CACNA2D1: variants seen among roughly 807,000 people sequenced by gnomAD.
CACNA2D1 encodes the protein calcium voltage-gated channel auxiliary subunit alpha2delta 1.
A neutral mutation model predicts 171.5 loss-of-function variants in CACNA2D1; 53 were observed. That is an observed-to-expected ratio of 0.31 (90% CI 0.25 to 0.39). The LOEUF (loss-of-function observed/expected upper bound fraction) is 0.39, where lower values mean the gene tolerates loss of function less well. CACNA2D1 is among the 10% of genes least tolerant of loss of function. The pLI is 1.00. For missense variants in CACNA2D1, 903 were observed against 1,299.8 expected (o/e 0.69, Z 4.69); for synonymous variants, 442 against 443.1 (o/e 1.00, Z 0.03).
At chr7:82,320,264 T>C (rs1355087906) in intron 3 of CACNA2D1, among the ~76,000 whole-genome samples, 1 of 152,174 alleles carries the variant, frequency 6.6e-6, no homozygotes, top group Admixed American at 6.5e-5. Context: ...TTTAACTTAT[T>C]ATACTGAGTC....
intron 3 of CACNA2D1, among the ~76,000 whole-genome samples, chr7:82,300,438 C>A (rs1386201902): frequency 2.6e-5 from 4 of 152,028 alleles, no homozygotes; most frequent in African/African-American, 9.7e-5. Flanking sequence ...ATGTAATATA[C>A]AAACCATGTT....
At chr7:82,283,748 T>C (rs976604259) in intron 3 of CACNA2D1, among the ~76,000 whole-genome samples, 7 of 152,158 alleles carry the variant, frequency 4.6e-5, no homozygotes, top group African/African-American at 1.4e-4. Flanking sequence ...TTAATGCATG[T>C]AACTAGTACA....
intron 3 of CACNA2D1, among the ~76,000 whole-genome samples, chr7:82,184,197 T>C (rs1797439197): frequency 7.0e-6 from 1 of 142,306 alleles, no homozygotes; most frequent in Non-Finnish European, 1.5e-5. Context: ...TGTTAATACA[T>C]GGAGGGGGAT....
chr7:82,376,481 T>C (rs1281201658), intron 1 of CACNA2D1, among the ~76,000 whole-genome samples: 1 of 152,210 alleles, frequency 6.6e-6, no homozygotes, highest in Non-Finnish European at 1.5e-5. Context: ...TGTGTATTTT[T>C]CTCACAGTAA....
chr7:82,188,624 CTTA>C (rs1178083621), intron 3 of CACNA2D1, among the ~76,000 whole-genome samples: 1 of 151,950 alleles, frequency 6.6e-6, no homozygotes, highest in Non-Finnish European at 1.5e-5. Context: ...TCACAAAAAA[CTTA>C]GAACAAAGAA....
chr7:82,266,787 G>T (rs1405763249), intron 3 of CACNA2D1, among the ~76,000 whole-genome samples: 1 of 152,136 alleles, frequency 6.6e-6, no homozygotes, highest in African/African-American at 2.4e-5. Flanking sequence ...AAAGTGCTGG[G>T]ATTACAGGGG....
intron 34 of CACNA2D1, among the ~76,000 whole-genome samples, 194 bp from the exon 35 acceptor site, chr7:81,962,689 G>A (rs935518739): frequency 4.0e-5 from 6 of 151,886 alleles, no homozygotes; most frequent in Admixed American, 6.6e-5. Context: ...CATGAAATCA[G>A]AAGTGTTCAG....
intron 3 of CACNA2D1, among the ~76,000 whole-genome samples, chr7:82,185,498 GGGA>G (rs1563172446): frequency 9.6e-5 from 1 of 10,416 alleles, no homozygotes; most frequent in Non-Finnish European, 2.5e-4. Flanking sequence ...GGAGGGGGAG[GGGA>G]GGGGGAGGGG....
rs189826983 is a variant in CACNA2D1 at position 82,069,971 on chromosome 7, C to T, written c.659-3447G>A. 5.9e-5 allele frequency among the ~76,000 whole-genome samples: 9 copies of T among 152,206 alleles called. No individual in the cohort carries two copies. The East Asian group carries it at 7.7e-4, about 13-fold the overall frequency. On this transcript the variant is annotated intron_variant, in intron 7 of 38. Coordinates refer to ENST00000356860, the MANE Select transcript of CACNA2D1 (RefSeq NM_000722.4). The stretch of plus-strand genomic sequence containing the variant: ...GATCTAATTGGTGGACCATTATTTT[C>T]GGTTTGTCTCAATCATCTCCTATAG...
At position 82,000,305 on chromosome 7, in the gene CACNA2D1, G is replaced by A. The variant is rs150812036; in HGVS notation, c.1591-3055C>T. The stretch of plus-strand genomic sequence containing the variant: ...AAAACAAAACAAAAACTATGTAGAG[G>A]CCTGGTCCCATCACTGCCAAATTAA... On this transcript the variant is annotated intron_variant, in intron 18 of 38. Coordinates refer to ENST00000356860, the MANE Select transcript of CACNA2D1 (RefSeq NM_000722.4). Among the ~76,000 whole-genome samples the A allele has an allele frequency of 2.6e-3, 403 of 152,076 alleles. 2 individuals are homozygous for A. Among genetic ancestry groups the A allele is most frequent in the African/African-American group, 9.2e-3 (380 of 41,530 alleles).
At chr7:82,225,686 G>A (rs1213581154) in intron 3 of CACNA2D1, among the ~76,000 whole-genome samples, 2 of 151,096 alleles carry the variant, frequency 1.3e-5, no homozygotes, top group Non-Finnish European at 2.9e-5. Context: ...TTGGGACGAA[G>A]CCATCCTACT....
chr7:82,266,962 T>C (rs1206125371), intron 3 of CACNA2D1, among the ~76,000 whole-genome samples: 1 of 152,340 alleles, frequency 6.6e-6, no homozygotes, highest in African/African-American at 2.4e-5. Context: ...ACAAACTACT[T>C]CTGAAAAATT....
At chr7:82,381,308 T>G (rs1244794720) in intron 1 of CACNA2D1, among the ~76,000 whole-genome samples, 1 of 128,600 alleles carries the variant, frequency 7.8e-6, no homozygotes, top group Non-Finnish European at 1.6e-5. Context: ...AGCGAGACTC[T>G]GTCTCAAAAA....
At chr7:82,377,084 T>C (rs189722701) in intron 1 of CACNA2D1, among the ~76,000 whole-genome samples, 1 of 152,314 alleles carries the variant, frequency 6.6e-6, no homozygotes, top group East Asian at 1.9e-4. Context: ...TAATTTCCAC[T>C]AGAGCTAATC....
At chr7:82,324,579 C>G (rs770061817) in intron 3 of CACNA2D1, among the ~76,000 whole-genome samples, 1 of 151,822 alleles carries the variant, frequency 6.6e-6, no homozygotes, top group Non-Finnish European at 1.5e-5. Flanking sequence ...TCTGTTTGGC[C>G]CCAAATTCCT....
chr7:82,367,424 A>C (rs1821863979), intron 1 of CACNA2D1, among the ~76,000 whole-genome samples: 1 of 152,052 alleles, frequency 6.6e-6, no homozygotes, highest in South Asian at 2.1e-4. Flanking sequence ...GCACCAGGTC[A>C]AATGTCACCA....
intron 4 of CACNA2D1, among the ~76,000 whole-genome samples, chr7:82,155,832 T>G (rs1371298693): frequency 6.6e-6 from 1 of 152,190 alleles, no homozygotes; most frequent in Non-Finnish European, 1.5e-5. Context: ...TTACTGTGTA[T>G]TTTGCAAAGA....
At chr7:82,055,930 GTATA>G (rs58786082) in intron 10 of CACNA2D1, among the ~76,000 whole-genome samples, 4 of 111,476 alleles carry the variant, frequency 3.6e-5, no homozygotes, top group African/African-American at 7.1e-5. Flanking sequence ...GTGTGTGTGT[GTATA>G]TATATATATA....
At chr7:82,010,005 G>A (rs917595812) in intron 15 of CACNA2D1, among the ~76,000 whole-genome samples, 3 of 151,744 alleles carry the variant, frequency 2.0e-5, no homozygotes, top group African/African-American at 7.3e-5. Flanking sequence ...GATATACTCA[G>A]TGCTTCCCCA....
Sources: gnomAD v4.1 joint callset for allele counts (sites outside exome capture counted in the v4.1 genomes callset) on GRCh38, gnomAD v4.1.1 for gene constraint, MANE v1.5 for transcripts, NCBI Gene and HGNC (gene_info 2026-07-23, HGNC 2026-07-21) for gene names.